The following QSOX2 variants were observed in gnomAD, a reference collection of about 807,000 sequenced individuals.
QSOX2 encodes quiescin sulfhydryl oxidase 2.
Under a neutral mutation model 61.7 loss-of-function variants are expected in QSOX2, and 46 were observed. The observed-to-expected ratio is 0.75, with a 90% CI of 0.59 to 0.95. The LOEUF (loss-of-function observed/expected upper bound fraction) is 0.95. QSOX2 is among the 40% of genes least tolerant of loss of function. The pLI is 0.00. For synonymous variants in QSOX2, 383 were observed against 388.4 expected (o/e 0.99, Z 0.16); for missense variants, 879 against 918.9 (o/e 0.96, Z 0.56).
At chr9:136,215,494 A>C (rs149210108) in intron 9 of QSOX2, among the ~76,000 whole-genome samples, 190 bp from the exon 10 acceptor site, 117 of 152,276 alleles carry the variant, frequency 7.7e-4, no homozygotes, top group African/African-American at 2.6e-3. Flanking sequence ...AAAACAAAAG[A>C]GAGGAAATGG....
intron 1 of QSOX2, among the ~76,000 whole-genome samples, chr9:136,240,289 A>G (rs1474247956): frequency 6.6e-6 from 1 of 152,272 alleles, no homozygotes; most frequent in African/African-American, 2.4e-5. Context: ...TGTGCTTGTC[A>G]AATAACTCTA....
At chr9:136,224,819 A>G (rs769284715) in intron 3 of QSOX2, 42 bp downstream of exon 3, 1 of 1,411,648 alleles carries the variant, frequency 7.1e-7, no homozygotes, top group South Asian at 1.2e-5. Context: ...CAGGTTTATG[A>G]GGGGAATCTC....
chr9:136,211,978 G>C (rs865791774), intron 10 of QSOX2, among the ~76,000 whole-genome samples: 1 of 152,244 alleles, frequency 6.6e-6, no homozygotes, highest in African/African-American at 2.4e-5. Context: ...GTGGGGACAC[G>C]GCCTTAGGAA....
intron 8 of QSOX2, among the ~76,000 whole-genome samples, chr9:136,217,138 G>A (rs118007742): frequency 0.014 from 2,065 of 152,330 alleles, 29 homozygotes; most frequent in Middle Eastern, 0.027. Context: ...CCCCTCTGCC[G>A]TCACTGACTG....
intron 1 of QSOX2, among the ~76,000 whole-genome samples, chr9:136,236,866 ACACCTGGAGCCCT>A: frequency 7.3e-6 from 1 of 136,714 alleles, no homozygotes; most frequent in African/African-American, 2.9e-5. Flanking sequence ...GTCTTGTGCC[ACACCTGGAGCCCT>A]TCCTGGGCTG....
intron 1 of QSOX2, among the ~76,000 whole-genome samples, 167 bp from the exon 2 acceptor site, chr9:136,227,041 GGA>G: frequency 6.6e-6 from 1 of 152,294 alleles, no homozygotes; most frequent in East Asian, 1.9e-4. Flanking sequence ...TGTGGAGCTA[GGA>G]GAGAGAACTC....
In QSOX2 at chr9:136,226,799, T is replaced by C; in HGVS notation, c.404A>G (p.Asp135Gly). 6.2e-7 allele frequency: 1 copy of C among 1,614,108 alleles called. No homozygotes were observed. The highest frequency in any genetic ancestry group is 8.5e-7 in the Non-Finnish European group (1 of 1,179,972). ...CCGGAAGGTGGGGTAGAAGTGGATG[T>C]CGTAGTCATGGCACACGGCCTGGTT... ...EKNQAVCHDY[D>G]IHFYPTFRYF... The change falls in exon 2 of 12, where the codon GAC becomes GGC. Residue 135 changes from aspartate (D) to glycine (G), a missense_variant. By Grantham distance (94) the Asp-to-Gly change is moderately conservative. Coordinates refer to ENST00000358701, the MANE Select transcript of QSOX2 (RefSeq NM_181701.4).
intron 7 of QSOX2, 65 bp downstream of exon 7, chr9:136,218,965 C>A: frequency 1.3e-6 from 2 of 1,590,640 alleles, no homozygotes; most frequent in Non-Finnish European, 8.6e-7. Flanking sequence ...ACCCGCCCTG[C>A]AAGCACGCAG....
At chr9:136,243,365 T>C (rs1164342947) in intron 1 of QSOX2, among the ~76,000 whole-genome samples, 1 of 152,242 alleles carries the variant, frequency 6.6e-6, no homozygotes, top group Non-Finnish European at 1.5e-5. Flanking sequence ...TCCCCAAGGC[T>C]GCTGCCTGTG....
At position 136,209,835 on chromosome 9, in the gene QSOX2, C is replaced by T; in HGVS notation, c.1550-560G>A. On this transcript the variant is annotated intron_variant, in intron 11 of 11. Coordinates refer to ENST00000358701, the MANE Select transcript of QSOX2 (RefSeq NM_181701.4). This position sits in a 1 kb window ranked among gnomAD's most constrained non-coding sequence, Gnocchi z 5.6. ...AGGTACACTGGCCCTTTCCGGACTA[C>T]AAATCCCTTCAAGATCTCCAAAACT... 3.0e-6 allele frequency: 3 copies of T among 985,396 alleles called. No homozygotes were observed. Among genetic ancestry groups the T allele is most frequent in the Non-Finnish European group, 3.6e-6 (3 of 829,916 alleles). 61.0% of individuals were successfully genotyped at this position (985,396 alleles called of 1,614,324 possible). A position where few individuals can be genotyped will look rare whatever the true frequency, so the allele number is the denominator to read the frequency against.
At chr9:136,216,789 C>G in intron 8 of QSOX2, 67 bp from the exon 9 acceptor site, 1 of 1,581,332 alleles carries the variant, frequency 6.3e-7, no homozygotes, top group Non-Finnish European at 8.6e-7. Flanking sequence ...CCGCGGGGGG[C>G]ACCGCACCTC....
Position 136,223,875 on chromosome 9 carries a change from G to T in QSOX2, c.585-22C>A. The T allele has an allele frequency of 6.2e-7, 1 of 1,610,534 alleles. No individual in the cohort carries two copies. The highest frequency in any genetic ancestry group is 8.5e-7 in the Non-Finnish European group (1 of 1,177,130). On this transcript the variant is annotated intron_variant, in intron 4 of 11. Coordinates refer to ENST00000358701, the MANE Select transcript of QSOX2 (RefSeq NM_181701.4). The surrounding 1 kb of genome is among the most constrained non-coding windows in gnomAD (Gnocchi z 4.4). The stretch of plus-strand genomic sequence containing the variant: ...GGGCCTTTCAAGAGGAAAAAAAGAG[G>T]CTTTTAGTGCCGTCAACAGCAGCGA...
intron 1 of QSOX2, among the ~76,000 whole-genome samples, chr9:136,227,369 A>G (rs10858250): frequency 0.27 from 41,154 of 152,140 alleles, 5,552 homozygotes; most frequent in Admixed American, 0.34. Context: ...ACACATGTGA[A>G]GTGGTTTCCA....
intron 1 of QSOX2, among the ~76,000 whole-genome samples, chr9:136,228,209 C>T (rs995559455): frequency 2.0e-5 from 3 of 152,112 alleles, no homozygotes; most frequent in African/African-American, 4.8e-5. Flanking sequence ...TTAGTGATCA[C>T]GACCTAAATG....
intron 1 of QSOX2, among the ~76,000 whole-genome samples, chr9:136,235,305 G>A (rs911096049): frequency 3.9e-5 from 6 of 152,236 alleles, no homozygotes; most frequent in South Asian, 2.1e-4. Context: ...TCCCCACGAC[G>A]GCCACACCTG....
rs1831917798 is a variant in QSOX2 at position 136,216,670 on chromosome 9, C to T, written c.1139G>A (p.Trp380Ter). The change falls in exon 9 of 12, where the codon TGG becomes TAG. Residue 380 changes from tryptophan to a stop codon, truncating the protein, a stop_gained. Transcript: ENST00000358701. LOFTEE classifies it high-confidence loss of function. ...CCTGTCCAGGGGAAGGCTGGCCAGC[C>T]ACTCCTGCAGCATCTCCAACAGCTT... is the stretch of plus-strand genomic sequence containing the variant. Reference protein sequence around the residue: ...VKKLLEMLQEWLASLPLDRIP... With the variant: ...VKKLLEMLQE 1 of 1,613,842 alleles carries T rather than the reference C, an allele frequency of 6.2e-7. No homozygotes were observed. The highest frequency in any genetic ancestry group is 1.3e-5 in the African/African-American group (1 of 74,924).
intron 1 of QSOX2, among the ~76,000 whole-genome samples, chr9:136,243,218 C>T (rs983727301): frequency 6.6e-6 from 1 of 152,236 alleles, no homozygotes; most frequent in African/African-American, 2.4e-5. Flanking sequence ...TGAAATGGTC[C>T]TGCAAAGCTG....
chr9:136,223,835 G>A lies in QSOX2; in HGVS notation c.603C>T (p.Ser201=), dbSNP rs773874658. Residue 201 remains serine (S), a synonymous_variant, in exon 5 of 12, where the codon TCC becomes TCT. Transcript: ENST00000358701. This position sits in a 1 kb window ranked among gnomAD's most constrained non-coding sequence, Gnocchi z 4.4. ...LDPIQPSDVL[S]LLDNRGSHYV... is the part of the protein sequence containing the mutation. ...AATGGCTGCCACGGTTGTCAAGAAG[G>A]GAAAGAACATCACTGGGCCTTTCAA... The A allele has an allele frequency of 2.5e-6, 4 of 1,614,070 alleles. No individual in the cohort carries two copies. Among genetic ancestry groups the A allele is most frequent in the East Asian group, 4.5e-5 (2 of 44,886 alleles).
chr9:136,228,986 C>T (rs924043750), intron 1 of QSOX2, among the ~76,000 whole-genome samples: 1 of 152,148 alleles, frequency 6.6e-6, no homozygotes, highest in Admixed American at 6.5e-5. Context: ...AGACTCTGTA[C>T]AAATATGAAG....
Sources: allele counts gnomAD v4.1 joint callset (sites outside exome capture counted in the v4.1 genomes callset), GRCh38; gene constraint gnomAD v4.1.1; non-coding constraint Gnocchi (gnomAD v3.1); transcripts MANE v1.5; gene names NCBI Gene and HGNC (gene_info 2026-07-23, HGNC 2026-07-21).